POU2F1: variants seen among roughly 807,000 people sequenced by gnomAD.
POU2F1 encodes the protein POU domain, class 2, transcription factor 1.
In POU2F1, 16 loss-of-function variants were observed where a neutral mutation model predicts 84.9. That is an observed-to-expected ratio of 0.19 (90% confidence interval 0.13 to 0.29). POU2F1 has a LOEUF of 0.29. Among genes scored for constraint, POU2F1 ranks in the 10% least tolerant of loss-of-function variants. The probability of loss-of-function intolerance (pLI) is 1.00; values close to 1 mark genes in which losing one functional copy is unlikely to be tolerated. For synonymous variants in POU2F1, 368 were observed against 368.3 expected, an observed-to-expected ratio of 1.00 and a Z score of 0.01; for missense variants, 738 against 942.6, an observed-to-expected ratio of 0.78 and a Z score of 2.84.
intron 2 of POU2F1, among the ~76,000 whole-genome samples, chr1:167,355,513 G>A (rs1658878219): frequency 6.6e-6 from 1 of 152,036 alleles, no homozygotes; most frequent in Non-Finnish European, 1.5e-5. Context: ...AACTTGTTAA[G>A]TTCTACCCCT....
intron 1 of POU2F1, among the ~76,000 whole-genome samples, chr1:167,222,740 A>G (rs1165064191): frequency 6.6e-6 from 1 of 152,130 alleles, no homozygotes; most frequent in Non-Finnish European, 1.5e-5. Flanking sequence ...CAACTCTGTG[A>G]TGGTTTGTTT....
chr1:167,382,782 A>G (rs1166192898), intron 7 of POU2F1, among the ~76,000 whole-genome samples: 2 of 152,172 alleles, frequency 1.3e-5, no homozygotes, highest in Non-Finnish European at 2.9e-5. Context: ...GAAAAATTCA[A>G]ATCTATTTAA....
At chr1:167,249,487 A>G (rs556907465) in intron 1 of POU2F1, among the ~76,000 whole-genome samples, 22 of 152,266 alleles carry the variant, frequency 1.4e-4, no homozygotes, top group Non-Finnish European at 2.9e-4. Context: ...GCAGCCCTCC[A>G]GGATTGGGGT....
chr1:167,399,402 T>A, intron 12 of POU2F1, 37 bp downstream of exon 12: 1 of 1,543,536 alleles, frequency 6.5e-7, no homozygotes, highest in Non-Finnish European at 8.8e-7. Flanking sequence ...GCTCAAGGGC[T>A]AATTTTTGCA....
chr1:167,348,070 G>A (rs1658313970), intron 2 of POU2F1, among the ~76,000 whole-genome samples: 1 of 152,108 alleles, frequency 6.6e-6, no homozygotes, highest in Non-Finnish European at 1.5e-5. Flanking sequence ...TAACGTCAGG[G>A]ATACATTCTG....
intron 8 of POU2F1, among the ~76,000 whole-genome samples, chr1:167,384,279 A>T (rs1439992520): frequency 2.0e-5 from 3 of 152,176 alleles, no homozygotes; most frequent in Non-Finnish European, 4.4e-5. Context: ...CCTCAGTTAA[A>T]AATCCATTGT....
chr1:167,326,877 T>C (rs1179998887), intron 1 of POU2F1, among the ~76,000 whole-genome samples: 1 of 152,190 alleles, frequency 6.6e-6, no homozygotes, highest in Non-Finnish European at 1.5e-5. Flanking sequence ...AGAGATGTTA[T>C]TACATAAAGT....
Position 167,375,021 on chromosome 1 carries a change from C to A in POU2F1, c.591+725C>A, listed in dbSNP as rs548775436. On this transcript the variant is annotated intron_variant, in intron 6 of 15. Coordinates refer to ENST00000367866, the MANE Select transcript of POU2F1 (RefSeq NM_002697.4). ...GGTGGAGCTTGCAGTGAGCCGAGAT[C>A]GCGCCACTAAAAAAAAAAAAAATTA... is the stretch of plus-strand genomic sequence containing the variant. Among the ~76,000 whole-genome samples, 46 of 149,536 alleles carry A rather than the reference C, an allele frequency of 3.1e-4. 1 individual carries two copies. In the East Asian group the frequency reaches 8.8e-3, roughly 29 times the overall value.
Position 167,415,812 on chromosome 1 carries a change from C to G in POU2F1, c.*2C>G. The G allele has an allele frequency of 6.2e-7, 1 of 1,607,762 alleles. No homozygotes were observed. On this transcript the variant is annotated 3_prime_UTR_variant, in exon 16 of 16. Transcript: ENST00000367866. ...ACCACCGCCTCCAAGGCACAGTGAG[C>G]TGGGCAGAGCTGGGCTGCCAGAAGC...
chr1:167,289,674 C>G (rs1653780622), intron 1 of POU2F1, among the ~76,000 whole-genome samples: 1 of 152,214 alleles, frequency 6.6e-6, no homozygotes, highest in African/African-American at 2.4e-5. Flanking sequence ...TATGATCAAT[C>G]ACACCAGATT....
At chr1:167,414,231 AT>A (rs945829191) in intron 15 of POU2F1, 769 of 761,460 alleles carry the variant, frequency 1.0e-3, no homozygotes, top group South Asian at 1.1e-3. Context: ...TTATATAATA[AT>A]TTTTTTTTGC....
In POU2F1 at chr1:167,322,103, C is replaced by T. The variant is rs143607056; in HGVS notation, c.62-10367C>T. Among the ~76,000 whole-genome samples, 1,106 of 152,322 alleles carry T rather than the reference C, an allele frequency of 7.3e-3. 6 individuals are homozygous for T. Among genetic ancestry groups the T allele is most frequent in the Middle Eastern group, 0.017 (5 of 294 alleles). On this transcript the variant is annotated intron_variant, in intron 1 of 15. Coordinates refer to ENST00000367866, the MANE Select transcript of POU2F1 (RefSeq NM_002697.4). The stretch of plus-strand genomic sequence containing the variant: ...TAGAGAAATGATTGAAATGTCCATT[C>T]CTGTATCTACCAAACCTTTAAATTC...
intron 1 of POU2F1, among the ~76,000 whole-genome samples, chr1:167,283,255 C>A (rs1045153726): frequency 2.0e-5 from 3 of 151,774 alleles, no homozygotes; most frequent in Non-Finnish European, 4.4e-5. Context: ...TTTTGTGAGA[C>A]CCCTTTTTAC....
At chr1:167,400,958 G>GT (rs1649162498) in intron 12 of POU2F1, among the ~76,000 whole-genome samples, 3 of 152,176 alleles carry the variant, frequency 2.0e-5, no homozygotes, top group African/African-American at 7.2e-5. Context: ...TGATGTTTGT[G>GT]TTTTAGATTT....
chr1:167,369,053 C>G (rs1455945849), intron 3 of POU2F1, among the ~76,000 whole-genome samples: 5 of 152,164 alleles, frequency 3.3e-5, no homozygotes, highest in African/African-American at 1.2e-4. Context: ...CCCACTGCCA[C>G]CATTCTAGTT....
chr1:167,286,886 C>T (rs1653567579), intron 1 of POU2F1, among the ~76,000 whole-genome samples: 1 of 152,014 alleles, frequency 6.6e-6, no homozygotes, highest in African/African-American at 2.4e-5. Context: ...ACATGTTTTC[C>T]CTGCAAGCTC....
chr1:167,414,644 CAT>C (rs1384720311), intron 15 of POU2F1: 1 of 985,150 alleles, frequency 1.0e-6, no homozygotes, highest in Non-Finnish European at 1.2e-6. Context: ...GCAACAGCAT[CAT>C]AGAAAATTTC....
chr1:167,414,363 G>A (rs1444367367), intron 15 of POU2F1: 1 of 985,262 alleles, frequency 1.0e-6, no homozygotes, highest in Non-Finnish European at 1.2e-6. Context: ...AAGATACTAA[G>A]TTTGGAATCT....
intron 1 of POU2F1, among the ~76,000 whole-genome samples, chr1:167,232,684 G>A (rs1401652509): frequency 6.6e-6 from 1 of 151,878 alleles, no homozygotes; most frequent in Non-Finnish European, 1.5e-5. Context: ...CTCTACTAAA[G>A]ATACAAAAAT....
Sources: gnomAD v4.1 joint callset for allele counts (sites outside exome capture counted in the v4.1 genomes callset) on GRCh38, gnomAD v4.1.1 for gene constraint, MANE v1.5 for transcripts, NCBI Gene and HGNC (gene_info 2026-07-23, HGNC 2026-07-21) for gene names.